MACROD1: variants seen among roughly 807,000 people sequenced by gnomAD.
MACROD1 encodes ADP-ribose glycohydrolase MACROD1.
In MACROD1, 31 loss-of-function variants were observed where a neutral mutation model predicts 41.4. The observed-to-expected ratio is 0.75, with a 90% CI of 0.56 to 1.01. MACROD1 has a LOEUF of 1.01. Ranked by LOEUF, MACROD1 falls within the 50% of genes least tolerant of loss-of-function variation. The pLI is 0.00. For missense variants in MACROD1, 473 were observed against 460.0 expected, an observed-to-expected ratio of 1.03 and a Z score of -0.26; for synonymous variants, 252 against 203.4, an observed-to-expected ratio of 1.24 and a Z score of -2.03.
rs77420269 is a variant in MACROD1, at chr11:64,023,334, C to T, written c.518-8053G>A. ...GTCCTGAAACCCCCAGCTGTGATCT[C>T]GGGTCAGCTGCCCCACCTCCTGGGG... On this transcript the variant is annotated intron_variant, in intron 3 of 10. Transcript: ENST00000255681. 4.6e-3 allele frequency among the ~76,000 whole-genome samples: 701 copies of T among 152,220 alleles called. 8 individuals are homozygous for T. Among genetic ancestry groups the T allele is most frequent in the African/African-American group, 0.016 (664 of 41,540 alleles).
chr11:64,117,002 C>A, intron 3 of MACROD1: 1 of 1,612,350 alleles, frequency 6.2e-7, no homozygotes, highest in Non-Finnish European at 8.5e-7. Context: ...ACACCTTCAG[C>A]CGCCTACAGA....
At chr11:64,040,825 C>G (rs1382581760) in intron 3 of MACROD1, among the ~76,000 whole-genome samples, 2 of 151,972 alleles carry the variant, frequency 1.3e-5, no homozygotes, top group South Asian at 2.1e-4. Context: ...TGGAGGGCCC[C>G]GGACCCGGCT....
intron 3 of MACROD1, among the ~76,000 whole-genome samples, chr11:64,104,600 G>A (rs966671697): frequency 6.6e-6 from 1 of 152,108 alleles, no homozygotes; most frequent in Non-Finnish European, 1.5e-5. Flanking sequence ...TTGCCCTGGC[G>A]CCTGCTGCCC....
chr11:64,094,871 G>C (rs373960378), intron 3 of MACROD1, among the ~76,000 whole-genome samples: 2 of 152,356 alleles, frequency 1.3e-5, no homozygotes, highest in Middle Eastern at 3.4e-3. Context: ...GGGGGGCCCA[G>C]GAGTGGATTT....
intron 3 of MACROD1, among the ~76,000 whole-genome samples, chr11:64,140,822 C>T (rs947264522): frequency 5.3e-4 from 80 of 152,230 alleles, no homozygotes; most frequent in Non-Finnish European, 1.0e-3. Context: ...GTACCCAGGA[C>T]TCCAACTCCC....
At chr11:64,043,628 G>A (rs1943530512) in intron 3 of MACROD1, among the ~76,000 whole-genome samples, 1 of 152,088 alleles carries the variant, frequency 6.6e-6, no homozygotes, top group Admixed American at 6.5e-5. Context: ...GCTCATTAAG[G>A]GTGGCAGAGA....
intron 3 of MACROD1, among the ~76,000 whole-genome samples, chr11:64,021,444 G>A (rs914550313): frequency 6.6e-6 from 1 of 152,214 alleles, no homozygotes; most frequent in Non-Finnish European, 1.5e-5. Flanking sequence ...TGCTGTGTGG[G>A]GGCCGGGACA....
intron 3 of MACROD1, among the ~76,000 whole-genome samples, chr11:64,105,841 C>T (rs930596331): frequency 6.6e-6 from 1 of 152,166 alleles, no homozygotes; most frequent in African/African-American, 2.4e-5. Flanking sequence ...GCTCTGTCTC[C>T]ACCCTGAGCC....
chr11:64,044,509 G>C (rs1040379611), intron 3 of MACROD1, among the ~76,000 whole-genome samples: 4 of 152,134 alleles, frequency 2.6e-5, no homozygotes, highest in African/African-American at 9.7e-5. Flanking sequence ...TTGGCCTCCT[G>C]ATTACAGGTG....
intron 3 of MACROD1, among the ~76,000 whole-genome samples, chr11:64,137,672 T>A (rs1307253730): frequency 2.6e-5 from 4 of 152,026 alleles, no homozygotes; most frequent in African/African-American, 9.7e-5. Flanking sequence ...AGGGCAGATA[T>A]GAGCCGTAGT....
intron 3 of MACROD1, among the ~76,000 whole-genome samples, chr11:64,141,069 AG>A (rs1163140894): frequency 2.6e-5 from 4 of 152,372 alleles, no homozygotes; most frequent in East Asian, 3.9e-4. Flanking sequence ...CAGGAGGTCA[AG>A]GCTGCAGTGA....
At chr11:64,026,049 T>C (rs778020453) in intron 3 of MACROD1, among the ~76,000 whole-genome samples, 2 of 152,078 alleles carry the variant, frequency 1.3e-5, no homozygotes, top group Non-Finnish European at 2.9e-5. Context: ...GGCGTGGTGG[T>C]GCGCGCCGGT....
rs1943378593 is a variant in MACROD1, at chr11:64,036,267, G to A, written c.518-20986C>T. The A allele has an allele frequency of 6.6e-6, 1 of 152,392 alleles. No individual in the cohort carries two copies. The highest frequency in any genetic ancestry group is 2.4e-5 in the African/African-American group (1 of 41,568). 9.4% of individuals were successfully genotyped at this position (152,392 alleles called of 1,614,324 possible). A position where few individuals can be genotyped will look rare whatever the true frequency, so the allele number is the denominator to read the frequency against. On this transcript the variant is annotated intron_variant, in intron 3 of 10. Transcript: ENST00000255681. This position sits in a 1 kb window ranked among gnomAD's most constrained non-coding sequence, Gnocchi z 5.6. ...CCCGGGGGCACCGAAGCGCCACGGG[G>A]TCAGGCAGCCTGGCTTTGCCCCAGA... is the stretch of plus-strand genomic sequence containing the variant.
rs1477537508 is a variant in MACROD1 at position 64,146,892 on chromosome 11, A to C, written c.517+4347T>G. On this transcript the variant is annotated intron_variant, in intron 3 of 10. Transcript: ENST00000255681. This position sits in a 1 kb window ranked among gnomAD's most constrained non-coding sequence, Gnocchi z 4.7. ...ACACAAGCACAGACACAAACATGCT[A>C]CATCACAAACACACGCACCGCACAC... Among the ~76,000 whole-genome samples, 1 of 151,284 alleles carries C rather than the reference A, an allele frequency of 6.6e-6. No individual in the cohort carries two copies. Among genetic ancestry groups the C allele is most frequent in the African/African-American group, 2.4e-5 (1 of 41,126 alleles).
intron 3 of MACROD1, among the ~76,000 whole-genome samples, chr11:64,083,302 G>A (rs1173430190): frequency 6.6e-6 from 1 of 152,142 alleles, no homozygotes; most frequent in Non-Finnish European, 1.5e-5. Flanking sequence ...TGGGCATGGT[G>A]GTGGGCACCT....
chr11:64,154,639 C>T (rs549607679), intron 1 of MACROD1, among the ~76,000 whole-genome samples: 48 of 152,364 alleles, frequency 3.2e-4, no homozygotes, highest in Non-Finnish European at 5.9e-4. Context: ...GTTCCCCAAA[C>T]AGCCAGGCTG....
chr11:64,007,922 G>C (rs1471510495), intron 4 of MACROD1, among the ~76,000 whole-genome samples: 1 of 152,244 alleles, frequency 6.6e-6, no homozygotes, highest in African/African-American at 2.4e-5. Context: ...ACAGGCCACG[G>C]AGGTCACGTT....
In MACROD1 at chr11:64,120,573, T is replaced by C. The variant is rs1002444153; in HGVS notation, c.517+30666A>G. Among the ~76,000 whole-genome samples the C allele has an allele frequency of 1.3e-5, 2 of 152,080 alleles. No individual in the cohort carries two copies. Among genetic ancestry groups the C allele is most frequent in the African/African-American group, 4.8e-5 (2 of 41,398 alleles). On this transcript the variant is annotated intron_variant, in intron 3 of 10. Coordinates refer to ENST00000255681, the MANE Select transcript of MACROD1 (RefSeq NM_014067.4). This position sits in a 1 kb window ranked among gnomAD's most constrained non-coding sequence, Gnocchi z 4.5. ...TGGTGGCAGGCGCCTGTTACCTGGCTACTCGGGAGGCTGAGGCAGGAGAAT... is the reference window on the plus strand; with the variant it reads ...TGGTGGCAGGCGCCTGTTACCTGGCCACTCGGGAGGCTGAGGCAGGAGAAT...
At chr11:64,130,550 TGA>T (rs763096420) in intron 3 of MACROD1, among the ~76,000 whole-genome samples, 5 of 152,252 alleles carry the variant, frequency 3.3e-5, no homozygotes, top group East Asian at 3.9e-4. Context: ...GTTCTGTGGC[TGA>T]GTCTTATCAC....
Sources: gnomAD v4.1 joint callset for allele counts (sites outside exome capture counted in the v4.1 genomes callset) on GRCh38, gnomAD v4.1.1 for gene constraint, Gnocchi (gnomAD v3.1) non-coding constraint, MANE v1.5 for transcripts, NCBI Gene and HGNC (gene_info 2026-07-23, HGNC 2026-07-21) for gene names.